PLCB4: variants seen among roughly 807,000 people sequenced by gnomAD.
PLCB4 encodes the protein 1-phosphatidylinositol 4,5-bisphosphate phosphodiesterase beta-4.
A neutral mutation model predicts 178.8 loss-of-function variants in PLCB4; 77 were observed. The ratio of observed to expected loss-of-function variants is 0.43; its 90% CI spans 0.36 to 0.52. The LOEUF (loss-of-function observed/expected upper bound fraction) is 0.52. Among genes scored for constraint, PLCB4 ranks in the 20% least tolerant of loss-of-function variants. The probability of loss-of-function intolerance (pLI) is 0.00; values close to 1 mark genes in which losing one functional copy is unlikely to be tolerated. For synonymous variants in PLCB4, 496 were observed against 490.8 expected, an observed-to-expected ratio of 1.01 and a Z score of -0.14; for missense variants, 1,024 against 1,453.4, an observed-to-expected ratio of 0.70 and a Z score of 4.80.
At chr20:9,433,004 A>C (rs6039467) in intron 28 of PLCB4, among the ~76,000 whole-genome samples, 36,663 of 152,006 alleles carry the variant, frequency 0.24, 5,390 homozygotes, top group African/African-American at 0.4. Context: ...ATTGTTGTGA[A>C]GAGAGATAGC....
intron 24 of PLCB4, among the ~76,000 whole-genome samples, chr20:9,409,816 A>T (rs1172518294): frequency 2.0e-5 from 3 of 152,174 alleles, no homozygotes; most frequent in Non-Finnish European, 4.4e-5. Context: ...ACACATTTTT[A>T]AAATTTTTGA....
intron 1 of PLCB4, among the ~76,000 whole-genome samples, chr20:9,073,594 T>C (rs1336149661): frequency 6.6e-6 from 1 of 152,208 alleles, no homozygotes; most frequent in African/African-American, 2.4e-5. Context: ...TTTAAACATA[T>C]TATGCTGGGC....
intron 3 of PLCB4, among the ~76,000 whole-genome samples, chr20:9,219,282 A>G (rs1395301461): frequency 1.3e-5 from 2 of 152,188 alleles, no homozygotes; most frequent in African/African-American, 4.8e-5. Context: ...ATCCTGGCTA[A>G]CACAGTGAAA....
intron 2 of PLCB4, among the ~76,000 whole-genome samples, chr20:9,168,413 G>C (rs1358951544): frequency 1.3e-5 from 2 of 152,198 alleles, no homozygotes; most frequent in Non-Finnish European, 2.9e-5. Context: ...TGATGAAGCT[G>C]CTGTTGAGAA....
intron 2 of PLCB4, among the ~76,000 whole-genome samples, chr20:9,109,998 T>C (rs2091516237): frequency 6.6e-6 from 1 of 152,198 alleles, no homozygotes; most frequent in Non-Finnish European, 1.5e-5. Flanking sequence ...GAATCTGTTA[T>C]TCAAGTTTAT....
intron 2 of PLCB4, among the ~76,000 whole-genome samples, chr20:9,101,939 G>A (rs2091171894): frequency 6.6e-6 from 1 of 151,462 alleles, no homozygotes; most frequent in Non-Finnish European, 1.5e-5. Flanking sequence ...CTGCTCCCTA[G>A]GTTCAAGTGA....
intron 3 of PLCB4, among the ~76,000 whole-genome samples, chr20:9,271,710 C>A (rs2094404555): frequency 6.6e-6 from 1 of 152,080 alleles, no homozygotes; most frequent in South Asian, 2.1e-4. Context: ...TTATTAGAAA[C>A]ACTTAGCTTC....
At chr20:9,160,138 C>T (rs2092861805) in intron 2 of PLCB4, among the ~76,000 whole-genome samples, 1 of 152,140 alleles carries the variant, frequency 6.6e-6, no homozygotes, top group African/African-American at 2.4e-5. Flanking sequence ...TAGAGAGCAC[C>T]TTTATGTGCA....
intron 3 of PLCB4, among the ~76,000 whole-genome samples, chr20:9,233,496 A>C (rs1467230256): frequency 1.3e-5 from 2 of 152,176 alleles, no homozygotes; most frequent in Admixed American, 6.5e-5. Flanking sequence ...CATTAAGAAA[A>C]TAAAAGGAAG....
intron 15 of PLCB4, 134 bp from the exon 16 acceptor site, chr20:9,389,745 G>A: frequency 3.4e-6 from 2 of 591,908 alleles, no homozygotes; most frequent in Non-Finnish European, 6.0e-6. Flanking sequence ...GAGGTGTCAA[G>A]GTAGATGGGG....
chr20:9,444,799 A>G (rs1409809195), intron 32 of PLCB4, among the ~76,000 whole-genome samples: 1 of 152,072 alleles, frequency 6.6e-6, no homozygotes, highest in Admixed American at 6.6e-5. Flanking sequence ...TAACATGACT[A>G]TATAAAATAT....
chr20:9,289,575 CAATCCTTATTT>C (rs2094562919), intron 3 of PLCB4, among the ~76,000 whole-genome samples: 1 of 151,914 alleles, frequency 6.6e-6, no homozygotes, highest in African/African-American at 2.4e-5. Context: ...TTTATTGAAG[CAATCCTTATTT>C]TTTATTAAAC....
intron 3 of PLCB4, among the ~76,000 whole-genome samples, chr20:9,254,671 C>A (rs1293420030): frequency 6.6e-6 from 1 of 152,028 alleles, no homozygotes; most frequent in Admixed American, 6.6e-5. Flanking sequence ...GTACTCCAGT[C>A]TGGGCAACGG....
intron 12 of PLCB4, among the ~76,000 whole-genome samples, chr20:9,378,475 G>A (rs543257969): frequency 7.2e-5 from 11 of 152,080 alleles, no homozygotes; most frequent in Admixed American, 3.3e-4. Context: ...CCAGAAAGAC[G>A]GAGCTCCTTG....
chr20:9,074,025 G>T (rs1464823726), intron 1 of PLCB4, among the ~76,000 whole-genome samples: 1 of 152,152 alleles, frequency 6.6e-6, no homozygotes, highest in East Asian at 1.9e-4. Flanking sequence ...CTGGCTGGGT[G>T]GGTGTTTTCA....
chr20:9,097,044 CTT>C (rs1178775788), intron 2 of PLCB4, among the ~76,000 whole-genome samples: 1 of 151,846 alleles, frequency 6.6e-6, no homozygotes, highest in African/African-American at 2.4e-5. Flanking sequence ...AAGGGATTCT[CTT>C]GCCTTAGCCT....
chr20:9,337,874 G>C (rs2032676120), intron 5 of PLCB4, 134 bp from the exon 6 acceptor site: 1 of 578,088 alleles, frequency 1.7e-6, no homozygotes, highest in African/African-American at 1.9e-5. Flanking sequence ...ATTGTTACAT[G>C]GTTTTAATTC....
chr20:9,076,856 G>A (rs745408513), intron 1 of PLCB4, among the ~76,000 whole-genome samples: 58 of 152,206 alleles, frequency 3.8e-4, no homozygotes, highest in South Asian at 1.0e-3. Flanking sequence ...TTTTTAAAAT[G>A]ATGTAAGTAA....
intron 3 of PLCB4, among the ~76,000 whole-genome samples, chr20:9,217,792 T>C (rs1240313215): frequency 6.6e-6 from 1 of 152,226 alleles, no homozygotes; most frequent in Non-Finnish European, 1.5e-5. Flanking sequence ...TTTCTGTGAC[T>C]TGTTTTCAGT....
Sources: gnomAD v4.1 joint callset for allele counts (sites outside exome capture counted in the v4.1 genomes callset) on GRCh38, gnomAD v4.1.1 for gene constraint, MANE v1.5 for transcripts, NCBI Gene and HGNC (gene_info 2026-07-23, HGNC 2026-07-21) for gene names.